Variants in PLIN4 observed in about 807,000 individuals in gnomAD.
The protein encoded by PLIN4 is perilipin-4.
Under a neutral mutation model 52.4 loss-of-function variants are expected in PLIN4, and 57 were observed. The ratio of observed to expected loss-of-function variants is 1.09; its 90% CI spans 0.88 to 1.36. The LOEUF (loss-of-function observed/expected upper bound fraction) is 1.36, where lower values mean the gene tolerates loss of function less well. Among genes scored for constraint, PLIN4 ranks in the 40% most tolerant of loss-of-function variants. The pLI, the probability that PLIN4 is intolerant of heterozygous loss-of-function variation, is 0.00. For synonymous variants in PLIN4, 826 were observed against 785.4 expected (o/e 1.05, Z -0.86); for missense variants, 1,757 against 1,770.3 (o/e 0.99, Z 0.13).
At chr19:4,507,989 G>A (rs975738062) in intron 6 of PLIN4, among the ~76,000 whole-genome samples, 6 of 152,192 alleles carry the variant, frequency 3.9e-5, no homozygotes, top group African/African-American at 9.7e-5. Flanking sequence ...GTCATGTTGC[G>A]TTGGGTCCTT....
At chr19:4,514,227 G>A (rs1472382051) in intron 4 of PLIN4, among the ~76,000 whole-genome samples, 1 of 152,174 alleles carries the variant, frequency 6.6e-6, no homozygotes, top group African/African-American at 2.4e-5. Flanking sequence ...CAAGGTGGGA[G>A]GATCACTTGA....
intron 6 of PLIN4, among the ~76,000 whole-genome samples, chr19:4,505,673 C>T (rs1432027454): frequency 6.6e-6 from 1 of 152,164 alleles, no homozygotes; most frequent in Non-Finnish European, 1.5e-5. Context: ...CCCCATCTTC[C>T]TCATCATCTC....
chr19:4,514,903 C>T (rs113144765), intron 4 of PLIN4, among the ~76,000 whole-genome samples: 3,898 of 148,010 alleles, frequency 0.026, 190 homozygotes, highest in African/African-American at 0.092. Flanking sequence ...AGGCCGGGCA[C>T]GGTGGCTCAC....
At position 4,503,157 on chromosome 19, in the gene PLIN4, C is replaced by T. The variant is rs35929524; in HGVS notation, c.*1302G>A. ...GGCCCCTCACGGCCCCTGGTGCACACGGTGACCCCTGGGGCCCCTCCACCC... is the reference window on the plus strand; with the variant it reads ...GGCCCCTCACGGCCCCTGGTGCACATGGTGACCCCTGGGGCCCCTCCACCC... On this transcript the variant is annotated 3_prime_UTR_variant, in exon 8 of 8. Coordinates refer to ENST00000301286, the MANE Select transcript of PLIN4 (RefSeq NM_001367868.2). 32,409 of 152,142 alleles carry T rather than the reference C, an allele frequency of 0.21. 4,087 individuals are homozygous for T. Among genetic ancestry groups the T allele is most frequent in the East Asian group, 0.29 (1,510 of 5,148 alleles). 9.4% of individuals were successfully genotyped at this position (152,142 alleles called of 1,614,324 possible).
At chr19:4,513,819 GC>G in intron 4 of PLIN4, 118 bp from the exon 5 acceptor site, 1 of 1,289,958 alleles carries the variant, frequency 7.8e-7, no homozygotes, top group Non-Finnish European at 1.0e-6. Context: ...GCACCCAGAG[GC>G]CCCACCTCCT....
rs377647763 is a variant in PLIN4 at position 4,504,597 on chromosome 19, G to A, written c.3978C>T (p.Pro1326=). The stretch of plus-strand genomic sequence containing the variant: ...CGCGGCTCTGCACCAGCCGCTCTGC[G>A]GGCAGCTCCTCTACAGAGCCAGCTG... ...VASAGSVEEL[P]AERLVQSREG... The change falls in exon 8 of 8, where the codon CCC becomes CCT. Residue 1326 remains proline, a synonymous_variant. Transcript: ENST00000301286. The A allele has an allele frequency of 5.0e-6, 8 of 1,603,976 alleles. No individual in the cohort carries two copies. The highest frequency in any genetic ancestry group is 1.6e-4 in the Middle Eastern group (1 of 6,066).
rs375156196 is a variant in PLIN4 at position 4,516,624 on chromosome 19, G to A, written c.251C>T (p.Ser84Leu). ...APWTEKELQP[S>L]EKMVSGAKDL... Reference sequence around the variant, plus strand: ...CCCTGCACATCCTCTCACCTTTTCCGAAGGTTGCAGCTCCTTCTCCGTCCA... The same window carrying A: ...CCCTGCACATCCTCTCACCTTTTCCAAAGGTTGCAGCTCCTTCTCCGTCCA... The change falls in exon 4 of 8, where the codon TCG (serine) becomes TTG (leucine). Residue 84 changes from serine to leucine, a missense_variant. This residue lies in a region of PLIN4 where 332 missense variants were observed against 310.8 expected (regional missense o/e 1.07). Transcript: ENST00000301286. 3.2e-5 allele frequency: 52 copies of A among 1,603,946 alleles called. No individual in the cohort carries two copies. The highest frequency in any genetic ancestry group is 2.5e-4 in the African/African-American group (19 of 74,728).
In PLIN4 at chr19:4,508,889, C is replaced by T. The variant is rs541302709; in HGVS notation, c.3581G>A (p.Arg1194His). Residue 1194 changes from arginine to histidine, a missense_variant, in exon 6 of 8, where the codon CGT becomes CAT. By Grantham distance (29) the Arg-to-His change is conservative. This residue lies in a region of PLIN4 where 712 missense variants were observed against 637.1 expected (regional missense o/e 1.12). Transcript: ENST00000301286. ...GAAGCTGGGACCCAGGTCACCTAAA[C>T]GAACGAAGTAGCTCCCCTGTTCCGC... is the stretch of plus-strand genomic sequence containing the variant. ...LSAEQGSYFVRLGDLGPSFRQ... is the reference protein window; with the variant it reads ...LSAEQGSYFVHLGDLGPSFRQ... 39 of 1,612,938 alleles carry T rather than the reference C, an allele frequency of 2.4e-5. No homozygotes were observed. The highest frequency in any genetic ancestry group is 1.6e-4 in the Middle Eastern group (1 of 6,084).
intron 6 of PLIN4, among the ~76,000 whole-genome samples, chr19:4,506,056 G>A (rs534007338): frequency 6.6e-4 from 101 of 152,132 alleles, no homozygotes; most frequent in African/African-American, 2.4e-3. Context: ...ACTTGCCTGG[G>A]TTTACGTCCC....
chr19:4,507,903 G>A (rs1976143335), intron 6 of PLIN4, among the ~76,000 whole-genome samples: 1 of 152,084 alleles, frequency 6.6e-6, no homozygotes, highest in Non-Finnish European at 1.5e-5. Flanking sequence ...GAGAACCTAG[G>A]CCAGAGGAAG....
At position 4,504,887 on chromosome 19, in the gene PLIN4, T is replaced by G. The variant is rs1599734497; in HGVS notation, c.3763A>C (p.Ser1255Arg). ...QPRLDQGSGA[S>R]AEDAAVQEER... Reference sequence around the variant, plus strand: ...TCCTGGACAGCAGCGTCCTCCGCACTGGCACCTGAGCCCTGGTCCAGACGT... The same window carrying G: ...TCCTGGACAGCAGCGTCCTCCGCACGGGCACCTGAGCCCTGGTCCAGACGT... Residue 1255 changes from serine (S) to arginine (R), a missense_variant, in exon 7 of 8, where the codon AGT (serine) becomes CGT (arginine). Around this residue, in one of 7 missense-constraint regions of PLIN4, gnomAD observed 712 missense variants for 637.1 expected, o/e 1.12. Coordinates refer to ENST00000301286, the MANE Select transcript of PLIN4 (RefSeq NM_001367868.2). 1 of 1,607,922 alleles carries G rather than the reference T, an allele frequency of 6.2e-7. No individual in the cohort carries two copies. Among genetic ancestry groups the G allele is most frequent in the Non-Finnish European group, 8.5e-7 (1 of 1,177,836 alleles).
chr19:4,517,837 C>T, intron 2 of PLIN4, 139 bp from the exon 3 acceptor site: 2 of 1,165,124 alleles, frequency 1.7e-6, no homozygotes, highest in South Asian at 3.2e-5. Context: ...TTCAGCCACT[C>T]AGCCTCAATT....
Position 4,513,329 on chromosome 19 carries a change from C to A in PLIN4, c.631G>T (p.Gly211Trp), listed in dbSNP as rs371515914. 1 of 1,613,452 alleles carries A rather than the reference C, an allele frequency of 6.2e-7. No homozygotes were observed. Among genetic ancestry groups the A allele is most frequent in the African/African-American group, 1.3e-5 (1 of 74,822 alleles). Reference protein sequence around the residue: ...TKDTVTTGVMGAVNLAKGTVQ... With the variant: ...TKDTVTTGVMWAVNLAKGTVQ... Reference sequence around the variant, plus strand: ...GTCCCTTTGGCCAAGTTCACTGCCCCCATGACCCCAGTAGTCACTGTGTCT... The same window carrying A: ...GTCCCTTTGGCCAAGTTCACTGCCCACATGACCCCAGTAGTCACTGTGTCT... Residue 211 changes from glycine to tryptophan, a missense_variant, in exon 5 of 8, where the codon GGG (glycine) becomes TGG (tryptophan). Physicochemically the swap from Gly to Trp is radical, Grantham distance 184. Coordinates refer to ENST00000301286, the MANE Select transcript of PLIN4 (RefSeq NM_001367868.2).
At chr19:4,507,638 A>G (rs1302164457) in intron 6 of PLIN4, among the ~76,000 whole-genome samples, 1 of 152,108 alleles carries the variant, frequency 6.6e-6, no homozygotes, top group Non-Finnish European at 1.5e-5. Flanking sequence ...GCAGTGGGCC[A>G]TGATCAAGCC....
Position 4,510,582 on chromosome 19 carries a change from C to G in PLIN4, c.3378G>C (p.Gly1126=), listed in dbSNP as rs558381075. The G allele has an allele frequency of 6.6e-7, 1 of 1,504,192 alleles. No homozygotes were observed. The highest frequency in any genetic ancestry group is 1.4e-5 in the African/African-American group (1 of 71,572). 93.2% of individuals were successfully genotyped at this position (1,504,192 alleles called of 1,614,324 possible). Residue 1126 remains glycine, a synonymous_variant, in exon 5 of 8, where the codon GGG becomes GGC. Coordinates refer to ENST00000301286, the MANE Select transcript of PLIN4 (RefSeq NM_001367868.2). ...CCGTGTCCTCCCTGCCTGGGGCGGC[C>G]CCTTGGGTGAACGTCGCCACGTCAG... is the stretch of plus-strand genomic sequence containing the variant. The part of the protein sequence containing the change: ...LATDVATFTQ[G]AAPGREDTGL...
chr19:4,505,873 G>A lies in PLIN4; in HGVS notation c.3703-926C>T, dbSNP rs142226857. On this transcript the variant is annotated intron_variant, in intron 6 of 7. Transcript: ENST00000301286. ...GCTCCTAATATCCACTCTGCAACCC[G>A]CCCGGCCTCCCCTCAGCCCCCCTGC... Among the ~76,000 whole-genome samples the A allele has an allele frequency of 2.3e-4, 35 of 151,934 alleles. No individual in the cohort carries two copies. In the East Asian group the frequency reaches 5.2e-3, roughly 23 times the overall value.
chr19:4,517,638 TG>T lies in PLIN4; in HGVS notation c.111del (p.Asn38ThrfsTer143), dbSNP rs1976623898. The T allele has an allele frequency of 1.2e-6, 2 of 1,609,118 alleles. No homozygotes were observed. The highest frequency in any genetic ancestry group is 2.7e-5 in the African/African-American group (2 of 74,850). On this transcript the variant is annotated frameshift_variant, in exon 3 of 8. Coordinates refer to ENST00000301286, the MANE Select transcript of PLIN4 (RefSeq NM_001367868.2). LOFTEE classifies it high-confidence loss of function. Reference sequence around the variant, plus strand: ...CGGGCTCTCGCCGAGCTATGTGCGTTGGCCACCAGGTTCCGGGCAGAGCTGA... The same window carrying T: ...CGGGCTCTCGCCGAGCTATGTGCGTTGCCACCAGGTTCCGGGCAGAGCTGA... ...PGFSSARNLV[A>X]NAHSSARARP... is the part of the protein sequence containing the mutation.
In PLIN4 at chr19:4,505,975, G is replaced by A. The variant is rs140321399; in HGVS notation, c.3703-1028C>T. On this transcript the variant is annotated intron_variant, in intron 6 of 7. Transcript: ENST00000301286. Reference sequence around the variant, plus strand: ...TCACCTCCCACATCGGACCCGGGCAGCTCTGACTTCGAAACACCCAGAGCC... The same window carrying A: ...TCACCTCCCACATCGGACCCGGGCAACTCTGACTTCGAAACACCCAGAGCC... 3.7e-3 allele frequency among the ~76,000 whole-genome samples: 556 copies of A among 152,182 alleles called. 6 individuals carry two copies. Among genetic ancestry groups the A allele is most frequent in the African/African-American group, 0.012 (511 of 41,506 alleles).
intron 6 of PLIN4, among the ~76,000 whole-genome samples, chr19:4,508,485 T>C (rs556737119): frequency 6.6e-6 from 1 of 152,316 alleles, no homozygotes; most frequent in East Asian, 1.9e-4. Flanking sequence ...CAGGCTGGTC[T>C]CGAACTCCTG....
Sources: gnomAD v4.1 joint callset for allele counts (sites outside exome capture counted in the v4.1 genomes callset) on GRCh38, gnomAD v4.1.1 for gene constraint, gnomAD v4.1.1 regional missense constraint, MANE v1.5 for transcripts, NCBI Gene and HGNC (gene_info 2026-07-23, HGNC 2026-07-21) for gene names.